CYP2C19: variants seen among roughly 807,000 people sequenced by gnomAD.
CYP2C19 encodes the protein cytochrome P450 family 2 subfamily C member 19.
Under a neutral mutation model 40.9 loss-of-function variants are expected in CYP2C19, and 59 were observed. The ratio of observed to expected loss-of-function variants is 1.44; its 90% CI spans 1.17 to 1.79. The LOEUF (loss-of-function observed/expected upper bound fraction) is 1.79, where lower values mean the gene tolerates loss of function less well. Ranked by LOEUF, CYP2C19 falls within the 40% of genes most tolerant of loss-of-function variation. CYP2C19 has a pLI of 0.00. For missense variants in CYP2C19, 754 were observed against 596.9 expected (o/e 1.26, Z -2.74); for synonymous variants, 253 against 208.7 (o/e 1.21, Z -1.83).
chr10:94,816,641 A>G (rs1400084887), intron 5 of CYP2C19, among the ~76,000 whole-genome samples: 6 of 151,314 alleles, frequency 4.0e-5, no homozygotes, highest in South Asian at 2.1e-4. Context: ...GGTTAGTTAC[A>G]TATGTATACA....
At chr10:94,803,185 C>T (rs1481050349) in intron 5 of CYP2C19, among the ~76,000 whole-genome samples, 2 of 152,152 alleles carry the variant, frequency 1.3e-5, no homozygotes, top group African/African-American at 4.8e-5. Context: ...GGAGAGGCAA[C>T]CCCTTCTGAT....
At chr10:94,782,115 T>G in intron 5 of CYP2C19, 118 bp downstream of exon 5, 1 of 770,506 alleles carries the variant, frequency 1.3e-6, no homozygotes. Flanking sequence ...AGAAGCATAT[T>G]TAAGTTTTTA....
At chr10:94,843,254 G>A (rs1207212346) in intron 7 of CYP2C19, among the ~76,000 whole-genome samples, 1 of 152,124 alleles carries the variant, frequency 6.6e-6, no homozygotes, top group East Asian at 1.9e-4. Context: ...GATTGTTCTG[G>A]CTACTCTTAA....
At chr10:94,846,850 G>C (rs1240128306) in intron 7 of CYP2C19, among the ~76,000 whole-genome samples, 1 of 151,190 alleles carries the variant, frequency 6.6e-6, no homozygotes, top group Admixed American at 6.6e-5. Context: ...TTTAAGCTAT[G>C]ATTAATCTGT....
rs1050519882 is a variant in CYP2C19, at chr10:94,854,199, A to T, written c.*1285A>T. ...ACACCAGGCTAATTTTTGTATTTTT[A>T]GTAGAGACAGGGTTTCACTATGTGG... On this transcript the variant is annotated 3_prime_UTR_variant, in exon 9 of 9. Transcript: ENST00000371321. 6.6e-6 allele frequency among the ~76,000 whole-genome samples: 1 copy of T among 151,756 alleles called. No homozygotes were observed. Among genetic ancestry groups the T allele is most frequent in the African/African-American group, 2.4e-5 (1 of 41,312 alleles).
chr10:94,840,911 G>C (rs1849485375), intron 6 of CYP2C19, among the ~76,000 whole-genome samples: 1 of 152,202 alleles, frequency 6.6e-6, no homozygotes, highest in South Asian at 2.1e-4. Context: ...CAGGTGCCTG[G>C]TATTTTCCTC....
chr10:94,825,979 G>C (rs1292234286), intron 6 of CYP2C19, among the ~76,000 whole-genome samples: 3 of 148,938 alleles, frequency 2.0e-5, no homozygotes, highest in South Asian at 2.1e-4. Flanking sequence ...GATATGTGGC[G>C]TTATTTCTGA....
intron 5 of CYP2C19, among the ~76,000 whole-genome samples, chr10:94,817,682 A>G (rs1236707649): frequency 1.3e-5 from 2 of 151,130 alleles, no homozygotes; most frequent in Admixed American, 1.3e-4. Flanking sequence ...GGTAATGCCT[A>G]GGTTTTCTTC....
Position 94,853,413 on chromosome 10 carries a change from C to T in CYP2C19, c.*499C>T, listed in dbSNP as rs573431385. Among the ~76,000 whole-genome samples, 14 of 152,204 alleles carry T rather than the reference C, an allele frequency of 9.2e-5. 1 individual carries two copies. The South Asian group carries it at 2.7e-3, about 29-fold the overall frequency. On this transcript the variant is annotated 3_prime_UTR_variant, in exon 9 of 9. Coordinates refer to ENST00000371321, the MANE Select transcript of CYP2C19 (RefSeq NM_000769.4). ...GGAAGCTATTTTGGCTGAGCATTAC[C>T]AAAATTTAGAGTTACATGAGGATTG...
Position 94,842,910 on chromosome 10 carries a change from G to A in CYP2C19, c.1035G>A (p.Met345Ile), listed in dbSNP as rs1446297120. Residue 345 changes from methionine to isoleucine, a missense_variant, in exon 7 of 9, where the codon ATG becomes ATA. Met to Ile is a conservative substitution (Grantham distance 10). Coordinates refer to ENST00000371321, the MANE Select transcript of CYP2C19 (RefSeq NM_000769.4). ...CCTGCATGCAGGACAGGGGCCACAT[G>A]CCCTACACAGATGCTGTGGTGCACG... is the stretch of plus-strand genomic sequence containing the variant. ...RSPCMQDRGHMPYTDAVVHEV... is the reference protein window; with the variant it reads ...RSPCMQDRGHIPYTDAVVHEV... The A allele has an allele frequency of 2.5e-6, 4 of 1,614,062 alleles. No individual in the cohort carries two copies. The highest frequency in any genetic ancestry group is 1.7e-5 in the Admixed American group (1 of 59,998).
At position 94,854,596 on chromosome 10, in the gene CYP2C19, A is replaced by G. The variant is rs1326612973; in HGVS notation, c.*1682A>G. ...GAACAAGCTACTTACAATTTGGAAT[A>G]CATTTAAAGATAATATATGGGTACA... On this transcript the variant is annotated 3_prime_UTR_variant, in exon 9 of 9. Coordinates refer to ENST00000371321, the MANE Select transcript of CYP2C19 (RefSeq NM_000769.4). Among the ~76,000 whole-genome samples the G allele has an allele frequency of 2.6e-5, 4 of 152,056 alleles. No individual in the cohort carries two copies. Among genetic ancestry groups the G allele is most frequent in the Non-Finnish European group, 5.9e-5 (4 of 68,016 alleles).
chr10:94,828,257 G>A (rs1367479772), intron 6 of CYP2C19, among the ~76,000 whole-genome samples: 1 of 151,026 alleles, frequency 6.6e-6, no homozygotes, highest in Non-Finnish European at 1.5e-5. Context: ...AATGTTGACA[G>A]TGGGGTGTTA....
chr10:94,837,529 G>A (rs1012549544), intron 6 of CYP2C19, among the ~76,000 whole-genome samples: 4 of 152,142 alleles, frequency 2.6e-5, no homozygotes, highest in African/African-American at 7.2e-5. Context: ...TAACAGGGGA[G>A]TGGGGCTTTC....
Position 94,820,622 on chromosome 10 carries a change from C to G in CYP2C19, c.946C>G (p.His316Asp). Residue 316 changes from histidine to aspartate, a missense_variant, in exon 6 of 9, where the codon CAC becomes GAC. Physicochemically the swap from His to Asp is moderately conservative, Grantham distance 81 (BLOSUM62 -1). Transcript: ENST00000371321. The stretch of plus-strand genomic sequence containing the variant: ...ATATGCTCTCCTTCTCCTGCTGAAG[C>G]ACCCAGAGGTCACAGGTATGATCAC... ...LRYALLLLLKHPEVTAKVQEE... is the reference protein window; with the variant it reads ...LRYALLLLLKDPEVTAKVQEE... 1.2e-6 allele frequency: 2 copies of G among 1,614,172 alleles called. No homozygotes were observed. Among genetic ancestry groups the G allele is most frequent in the African/African-American group, 2.7e-5 (2 of 75,040 alleles).
In CYP2C19 at chr10:94,818,436, G is replaced by T. The variant is rs1240301185; in HGVS notation, c.820-2060G>T. Among the ~76,000 whole-genome samples the T allele has an allele frequency of 3.3e-5, 5 of 152,068 alleles. No homozygotes were observed. The South Asian group carries it at 6.3e-4, about 19-fold the overall frequency. On this transcript the variant is annotated intron_variant, in intron 5 of 8. Coordinates refer to ENST00000371321, the MANE Select transcript of CYP2C19 (RefSeq NM_000769.4). The stretch of plus-strand genomic sequence containing the variant: ...CTCCAATTCTGTGAAGAAAGTCATT[G>T]GTAGCTTGATGGAGATGGCATTGAA...
At chr10:94,781,506 C>T (rs1848477910) in intron 4 of CYP2C19, among the ~76,000 whole-genome samples, 1 of 151,962 alleles carries the variant, frequency 6.6e-6, no homozygotes, top group Non-Finnish European at 1.5e-5. Context: ...TAATTCATAC[C>T]ATCTTATATT....
intron 5 of CYP2C19, among the ~76,000 whole-genome samples, chr10:94,794,139 G>T (rs1296160295): frequency 6.6e-6 from 1 of 152,132 alleles, no homozygotes; most frequent in East Asian, 1.9e-4. Context: ...GAGGTTCTGT[G>T]GGCATGGGAC....
chr10:94,774,895 G>T, intron 1 of CYP2C19, 163 bp from the exon 2 acceptor site: 1 of 756,094 alleles, frequency 1.3e-6, no homozygotes, highest in Admixed American at 2.9e-5. Context: ...TGAGTGGCAA[G>T]TATAATAATC....
chr10:94,847,364 G>C (rs1038313956), intron 7 of CYP2C19, among the ~76,000 whole-genome samples: 1 of 152,120 alleles, frequency 6.6e-6, no homozygotes, highest in Non-Finnish European at 1.5e-5. Flanking sequence ...TGCTGAGAAT[G>C]ATGGTTTCCA....
Sources: gnomAD v4.1 joint callset for allele counts (sites outside exome capture counted in the v4.1 genomes callset) on GRCh38, gnomAD v4.1.1 for gene constraint, MANE v1.5 for transcripts, NCBI Gene and HGNC (gene_info 2026-07-23, HGNC 2026-07-21) for gene names.